The following SPAG16 variants were observed in gnomAD, a reference collection of about 807,000 sequenced individuals.
The protein encoded by SPAG16 is sperm-associated antigen 16 protein.
A neutral mutation model predicts 80.4 loss-of-function variants in SPAG16; 86 were observed. That is an observed-to-expected ratio of 1.07 (90% confidence interval 0.90 to 1.28). SPAG16 has a LOEUF of 1.28. Among genes scored for constraint, SPAG16 ranks in the 50% most tolerant of loss-of-function variants. The pLI, the probability that SPAG16 is intolerant of heterozygous loss-of-function variation, is 0.00. For synonymous variants in SPAG16, 294 were observed against 265.9 expected, an observed-to-expected ratio of 1.11 and a Z score of -1.03; for missense variants, 870 against 765.3, an observed-to-expected ratio of 1.14 and a Z score of -1.61.
At chr2:214,040,728 T>C (rs537179888) in intron 13 of SPAG16, among the ~76,000 whole-genome samples, 75 of 152,260 alleles carry the variant, frequency 4.9e-4, no homozygotes, top group Non-Finnish European at 9.7e-4. Flanking sequence ...TTGTCATTGT[T>C]TTTATTTCTT....
At chr2:214,224,433 A>C (rs1453223742) in intron 15 of SPAG16, among the ~76,000 whole-genome samples, 10 of 152,202 alleles carry the variant, frequency 6.6e-5, no homozygotes, top group Admixed American at 6.6e-4. Flanking sequence ...CAGTATGTGC[A>C]AATACTATAA....
At chr2:213,941,948 C>T (rs1398738491) in intron 12 of SPAG16, among the ~76,000 whole-genome samples, 1 of 152,144 alleles carries the variant, frequency 6.6e-6, no homozygotes, top group African/African-American at 2.4e-5. Context: ...TCTGTGAGCA[C>T]CATTTCTTAT....
chr2:213,571,852 C>T (rs1201428750), intron 10 of SPAG16, among the ~76,000 whole-genome samples: 5 of 131,804 alleles, frequency 3.8e-5, no homozygotes, highest in East Asian at 4.2e-4. Context: ...TGGTTCCATT[C>T]TCCACATCAC....
At chr2:214,227,702 A>ATG (rs3044944) in intron 15 of SPAG16, among the ~76,000 whole-genome samples, 12,378 of 145,504 alleles carry the variant, frequency 0.085, 642 homozygotes, top group African/African-American at 0.16. Context: ...TGGAAGGTGT[A>ATG]TGTGTGTGTG....
chr2:213,940,602 C>T (rs2079158614), intron 12 of SPAG16, among the ~76,000 whole-genome samples: 1 of 152,144 alleles, frequency 6.6e-6, no homozygotes, highest in South Asian at 2.1e-4. Flanking sequence ...GGCCACAAAT[C>T]AAATGCACTT....
chr2:213,978,939 G>A (rs1479464558), intron 12 of SPAG16, among the ~76,000 whole-genome samples: 1 of 152,042 alleles, frequency 6.6e-6, no homozygotes, highest in Non-Finnish European at 1.5e-5. Flanking sequence ...TGCTAGGGGA[G>A]CTGGCTTTCC....
intron 10 of SPAG16, among the ~76,000 whole-genome samples, chr2:213,803,347 A>C (rs2071537777): frequency 6.6e-6 from 1 of 152,180 alleles, no homozygotes; most frequent in Non-Finnish European, 1.5e-5. Flanking sequence ...TAAATAGAGG[A>C]GTGAGACAAA....
chr2:213,861,130 G>A (rs1018099793), intron 10 of SPAG16, among the ~76,000 whole-genome samples: 1 of 152,138 alleles, frequency 6.6e-6, no homozygotes, highest in Admixed American at 6.6e-5. Context: ...GCAAAATGCT[G>A]GAGAAAAATG....
chr2:213,354,048 A>G (rs1308930225), intron 7 of SPAG16, among the ~76,000 whole-genome samples: 1 of 152,076 alleles, frequency 6.6e-6, no homozygotes, highest in East Asian at 1.9e-4. Flanking sequence ...CCCACACCCC[A>G]TGATAGGCCC....
intron 10 of SPAG16, among the ~76,000 whole-genome samples, chr2:213,732,909 G>A (rs1458112790): frequency 1.3e-5 from 2 of 152,108 alleles, no homozygotes; most frequent in African/African-American, 2.4e-5. Flanking sequence ...GGGATTGCTG[G>A]GTTGAATAGT....
At chr2:213,573,915 A>G (rs939430735) in intron 10 of SPAG16, among the ~76,000 whole-genome samples, 1 of 152,186 alleles carries the variant, frequency 6.6e-6, no homozygotes, top group East Asian at 1.9e-4. Flanking sequence ...TAATGTGCAT[A>G]CTTGTCCCCT....
chr2:214,005,685 T>A (rs1246229449), intron 12 of SPAG16, among the ~76,000 whole-genome samples: 2 of 152,214 alleles, frequency 1.3e-5, no homozygotes, highest in South Asian at 2.1e-4. Context: ...TATCACATGA[T>A]GAATTATTTT....
chr2:213,367,218 T>A (rs1416612252), intron 8 of SPAG16, among the ~76,000 whole-genome samples: 2 of 135,012 alleles, frequency 1.5e-5, no homozygotes, highest in African/African-American at 2.8e-5. Context: ...TCCAAGTCTT[T>A]GCTATTGTGA....
At chr2:213,942,467 A>G (rs1375750782) in intron 12 of SPAG16, among the ~76,000 whole-genome samples, 2 of 152,150 alleles carry the variant, frequency 1.3e-5, no homozygotes, top group Non-Finnish European at 2.9e-5. Flanking sequence ...GAACATTTTT[A>G]TTCTTCCACC....
At chr2:214,118,032 C>T (rs2054027746) in intron 14 of SPAG16, among the ~76,000 whole-genome samples, 1 of 152,090 alleles carries the variant, frequency 6.6e-6, no homozygotes, top group Non-Finnish European at 1.5e-5. Context: ...AAATAACGCG[C>T]ATCCAAATTG....
At chr2:213,723,530 A>T (rs1157753819) in intron 10 of SPAG16, among the ~76,000 whole-genome samples, 2 of 152,206 alleles carry the variant, frequency 1.3e-5, no homozygotes, top group Non-Finnish European at 2.9e-5. Flanking sequence ...GAGCTTACCC[A>T]GTCTCAAATT....
intron 15 of SPAG16, among the ~76,000 whole-genome samples, chr2:214,387,688 C>T (rs963753210): frequency 3.9e-5 from 6 of 152,134 alleles, no homozygotes; most frequent in Non-Finnish European, 8.8e-5. Context: ...CCTCAGGAAA[C>T]TTACAATCAT....
At chr2:213,411,630 G>C (rs991152624) in intron 9 of SPAG16, among the ~76,000 whole-genome samples, 3 of 152,170 alleles carry the variant, frequency 2.0e-5, no homozygotes, top group African/African-American at 7.2e-5. Context: ...GAGTTAGCCG[G>C]TAACTCAGGG....
intron 15 of SPAG16, among the ~76,000 whole-genome samples, chr2:214,328,773 C>T (rs1469729181): frequency 7.2e-5 from 11 of 152,152 alleles, no homozygotes; most frequent in Non-Finnish European, 1.5e-5. Flanking sequence ...TTTTGGTTGA[C>T]ATATTCTCTT....
Sources: gnomAD v4.1 joint callset for allele counts (sites outside exome capture counted in the v4.1 genomes callset) on GRCh38, gnomAD v4.1.1 for gene constraint, MANE v1.5 for transcripts, NCBI Gene and HGNC (gene_info 2026-07-23, HGNC 2026-07-21) for gene names.